MALRD1: variants seen among roughly 807,000 people sequenced by gnomAD.
The protein encoded by MALRD1 is MAM and LDL-receptor class A domain-containing protein 1.
MALRD1 carries 247 observed loss-of-function variants against 242.1 expected under a neutral mutation model. The observed-to-expected ratio is 1.02, with a 90% CI of 0.92 to 1.13. The LOEUF (loss-of-function observed/expected upper bound fraction) is 1.13, where lower values mean the gene tolerates loss of function less well. Among genes scored for constraint, MALRD1 ranks in the 50% most tolerant of loss-of-function variants. The pLI is 0.00. For missense variants in MALRD1, 2,989 were observed against 2,533.1 expected, an observed-to-expected ratio of 1.18 and a Z score of -3.86; for synonymous variants, 995 against 866.6, an observed-to-expected ratio of 1.15 and a Z score of -2.60.
At chr10:19,318,407 A>G (rs1264790820) in intron 21 of MALRD1, among the ~76,000 whole-genome samples, 1 of 151,370 alleles carries the variant, frequency 6.6e-6, no homozygotes, top group East Asian at 1.9e-4. Flanking sequence ...TATTTCAGAG[A>G]TATATAATAT....
intron 26 of MALRD1, among the ~76,000 whole-genome samples, chr10:19,386,535 G>T (rs938205845): frequency 6.6e-6 from 1 of 152,074 alleles, no homozygotes; most frequent in African/African-American, 2.4e-5. Flanking sequence ...GTTAAATTCT[G>T]TTGTAATATT....
chr10:19,463,866 G>A (rs1206485845), intron 29 of MALRD1, among the ~76,000 whole-genome samples: 2 of 151,906 alleles, frequency 1.3e-5, no homozygotes, highest in African/African-American at 2.4e-5. Context: ...TGCCACATCC[G>A]CACCAACATC....
At chr10:19,338,223 G>A (rs887970833) in intron 24 of MALRD1, among the ~76,000 whole-genome samples, 3 of 151,632 alleles carry the variant, frequency 2.0e-5, no homozygotes. Flanking sequence ...TCTTGGTGCT[G>A]TATGTTCTGT....
At chr10:19,269,358 C>T (rs1446406356) in intron 19 of MALRD1, among the ~76,000 whole-genome samples, 1 of 152,252 alleles carries the variant, frequency 6.6e-6, no homozygotes, top group East Asian at 1.9e-4. Context: ...CTCTCGCTCT[C>T]TTGCTCTCTC....
chr10:19,238,908 A>G (rs184360416), intron 18 of MALRD1, among the ~76,000 whole-genome samples: 11 of 151,878 alleles, frequency 7.2e-5, no homozygotes, highest in Admixed American at 6.6e-4. Flanking sequence ...CTTTTTGGTA[A>G]TAGCCATTCT....
chr10:19,347,448 C>T (rs767421014), intron 24 of MALRD1, among the ~76,000 whole-genome samples: 9 of 152,156 alleles, frequency 5.9e-5, no homozygotes, highest in Non-Finnish European at 1.3e-4. Context: ...TTACCAAGAC[C>T]TGAGAAGCAT....
intron 21 of MALRD1, among the ~76,000 whole-genome samples, chr10:19,315,554 ATAT>A (rs1347380335): frequency 5.3e-5 from 5 of 93,616 alleles, no homozygotes; most frequent in East Asian, 3.2e-4. Context: ...AAAAATATAA[ATAT>A]TATTTATATA....
intron 9 of MALRD1, among the ~76,000 whole-genome samples, 200 bp from the exon 10 acceptor site, chr10:19,136,374 A>T (rs1833340075): frequency 6.6e-6 from 1 of 151,612 alleles, no homozygotes; most frequent in Non-Finnish European, 1.5e-5. Flanking sequence ...GTTTTAGGGA[A>T]CATGTGCACA....
In MALRD1 at chr10:19,163,136, CTAAAAA is replaced by C. The variant is rs1198837464; in HGVS notation, c.1657-2500_1657-2495del. On this transcript the variant is annotated intron_variant, in intron 12 of 39. Transcript: ENST00000454679. ...CTGAACAACTGGAGTGAAACCCTGT[CTAAAAA>C]AAAAAAAAAAAAAAAAAAAAAAAGA... Among the ~76,000 whole-genome samples the C allele has an allele frequency of 7.6e-3, 281 of 36,888 alleles. 4 individuals carry two copies. In the East Asian group the frequency reaches 0.099, roughly 13 times the overall value. The allele number at this position is 36,888 out of a possible 152,430, so 24.2% of individuals were successfully genotyped here.
chr10:19,434,963 G>A (rs181762447), intron 28 of MALRD1, among the ~76,000 whole-genome samples: 4 of 151,560 alleles, frequency 2.6e-5, no homozygotes, highest in African/African-American at 7.2e-5. Flanking sequence ...GACACAAAAA[G>A]AAAGTTTTAT....
At chr10:19,134,595 G>A (rs979283966) in intron 9 of MALRD1, among the ~76,000 whole-genome samples, 8 of 152,152 alleles carry the variant, frequency 5.3e-5, no homozygotes, top group Non-Finnish European at 1.0e-4. Flanking sequence ...ATATGTGTGG[G>A]TTATGAAGGC....
At chr10:19,657,139 C>G (rs1047452556) in intron 36 of MALRD1, among the ~76,000 whole-genome samples, 1 of 152,150 alleles carries the variant, frequency 6.6e-6, no homozygotes, top group Non-Finnish European at 1.5e-5. Flanking sequence ...ACCCTTGATA[C>G]TGTGGTGCAC....
At chr10:19,373,947 G>A (rs1283023686) in intron 26 of MALRD1, among the ~76,000 whole-genome samples, 5 of 152,110 alleles carry the variant, frequency 3.3e-5, no homozygotes, top group Admixed American at 2.0e-4. Context: ...CCTGAATAGT[G>A]CAAAACCAAT....
At chr10:19,314,182 G>A (rs1233414505) in intron 21 of MALRD1, among the ~76,000 whole-genome samples, 1 of 151,538 alleles carries the variant, frequency 6.6e-6, no homozygotes, top group Non-Finnish European at 1.5e-5. Flanking sequence ...GCATTGGTAT[G>A]TATAACTTAT....
At chr10:19,149,744 T>G (rs1833872004) in intron 11 of MALRD1, among the ~76,000 whole-genome samples, 1 of 152,306 alleles carries the variant, frequency 6.6e-6, no homozygotes, top group East Asian at 1.9e-4. Flanking sequence ...CACTGAGTTC[T>G]GACATACATA....
chr10:19,207,662 G>A (rs1249474142), intron 17 of MALRD1, among the ~76,000 whole-genome samples: 2 of 151,868 alleles, frequency 1.3e-5, no homozygotes, highest in Admixed American at 6.6e-5. Flanking sequence ...CACCACTCCC[G>A]GATAATTTGT....
intron 36 of MALRD1, among the ~76,000 whole-genome samples, chr10:19,667,481 T>A (rs149701186): frequency 8.5e-4 from 129 of 152,220 alleles, no homozygotes; most frequent in African/African-American, 3.0e-3. Context: ...AGTTGGGGCC[T>A]GGTGGGAGGT....
intron 24 of MALRD1, among the ~76,000 whole-genome samples, chr10:19,333,021 C>T (rs1039021942): frequency 3.9e-5 from 6 of 152,100 alleles, no homozygotes; most frequent in African/African-American, 1.4e-4. Flanking sequence ...TAGCCCCCTA[C>T]CCTCTGACAG....
At chr10:19,307,248 G>C (rs2496096) in intron 21 of MALRD1, among the ~76,000 whole-genome samples, 1 of 151,110 alleles carries the variant, frequency 6.6e-6, no homozygotes, top group African/African-American at 2.4e-5. Context: ...CACCTGAACC[G>C]AAGGATTTTC....
Sources: allele counts gnomAD v4.1 joint callset (sites outside exome capture counted in the v4.1 genomes callset), GRCh38; gene constraint gnomAD v4.1.1; transcripts MANE v1.5; gene names NCBI Gene and HGNC (gene_info 2026-07-23, HGNC 2026-07-21).